SHROOM4: variants seen among roughly 807,000 people sequenced by gnomAD.
SHROOM4 encodes the protein shroom family member 4, also known as protein Shroom4.
A neutral mutation model predicts 80.3 loss-of-function variants in SHROOM4; 17 were observed. The observed-to-expected ratio is 0.21, with a 90% CI of 0.14 to 0.32. SHROOM4 has a LOEUF of 0.32. Among genes scored for constraint, SHROOM4 ranks in the 10% least tolerant of loss-of-function variants. The pLI is 1.00. For missense variants in SHROOM4, 993 were observed against 1,140.3 expected (o/e 0.87, Z 1.86); for synonymous variants, 400 against 437.5 (o/e 0.91, Z 1.07).
At chrX:50,622,723 T>A (rs1369712548) in intron 5 of SHROOM4, among the ~76,000 whole-genome samples, 1 of 112,145 alleles carries the variant, frequency 8.9e-6, no homozygotes, top group African/African-American at 3.2e-5. Context: ...GGAAACTCTA[T>A]CAGGATTTCT....
At chrX:50,766,386 C>A (rs971370653) in intron 1 of SHROOM4, among the ~76,000 whole-genome samples, 10 of 111,287 alleles carry the variant, frequency 9.0e-5, no homozygotes, top group African/African-American at 3.3e-4. Flanking sequence ...TCTTAAAGAG[C>A]ATGAACTTTG....
intron 1 of SHROOM4, among the ~76,000 whole-genome samples, chrX:50,697,694 T>G (rs1416731494): frequency 8.9e-6 from 1 of 111,874 alleles, no homozygotes; most frequent in Non-Finnish European, 1.9e-5. Context: ...CAAGCCAATA[T>G]TGGTAAATGG....
chrX:50,676,084 G>T (rs917473297), intron 2 of SHROOM4, among the ~76,000 whole-genome samples: 1 of 111,416 alleles, frequency 9.0e-6, no homozygotes, highest in African/African-American at 3.3e-5. Flanking sequence ...TGCTACAAAT[G>T]ATACTGTTTC....
chrX:50,698,852 GA>G (rs1321246023), intron 1 of SHROOM4, among the ~76,000 whole-genome samples: 2 of 111,858 alleles, frequency 1.8e-5, no homozygotes, highest in East Asian at 2.8e-4. Context: ...AAGGGGGATG[GA>G]GGGGCGAAAG....
chrX:50,595,500 G>T lies in SHROOM4; in HGVS notation c.*1195C>A. The T allele has an allele frequency of 5.3e-6, 1 of 187,591 alleles. No homozygotes were observed. Among genetic ancestry groups the T allele is most frequent in the Non-Finnish European group, 9.9e-6 (1 of 101,408 alleles). 15.5% of individuals were successfully genotyped at this position (187,591 alleles called of 1,213,427 possible). On this transcript the variant is annotated 3_prime_UTR_variant, in exon 9 of 9. Transcript: ENST00000376020. The stretch of plus-strand genomic sequence containing the variant: ...ATGACTGAACCTTTCTCCATTTCAG[G>T]AGATTTCTTTGGTTTCAAAAAGAAA...
chrX:50,709,729 T>C (rs1415679947), intron 1 of SHROOM4, among the ~76,000 whole-genome samples: 1 of 112,059 alleles, frequency 8.9e-6, no homozygotes, highest in Non-Finnish European at 1.9e-5. Flanking sequence ...ATGCCATATT[T>C]ATAGAGGGGA....
chrX:50,615,056 T>C (rs1462500681), intron 5 of SHROOM4, among the ~76,000 whole-genome samples: 1 of 110,793 alleles, frequency 9.0e-6, no homozygotes. Flanking sequence ...GTAATGTCTC[T>C]TGTAAAGAGT....
intron 2 of SHROOM4, among the ~76,000 whole-genome samples, chrX:50,655,581 A>G (rs1932277102): frequency 9.4e-6 from 1 of 106,838 alleles, no homozygotes; most frequent in African/African-American, 3.4e-5. Context: ...ATTATATAAC[A>G]TATTTTCTTT....
chrX:50,653,496 TC>T (rs1557259181), intron 2 of SHROOM4, among the ~76,000 whole-genome samples: 1 of 112,001 alleles, frequency 8.9e-6, no homozygotes, highest in East Asian at 2.8e-4. Flanking sequence ...AAATATACAA[TC>T]ATGTCATCAG....
Position 50,607,820 on chromosome X carries a change from T to C in SHROOM4, c.3322A>G (p.Asn1108Asp). 8.3e-7 allele frequency: 1 copy of C among 1,209,361 alleles called. No individual in the cohort carries two copies. Among genetic ancestry groups the C allele is most frequent in the Non-Finnish European group, 1.1e-6 (1 of 894,245 alleles). The change falls in exon 6 of 9, where the codon AAC becomes GAC. Residue 1108 changes from asparagine (N) to aspartate (D), a missense_variant. Physicochemically the swap from Asn to Asp is conservative, Grantham distance 23 (BLOSUM62 1). Coordinates refer to ENST00000376020, the MANE Select transcript of SHROOM4 (RefSeq NM_020717.5). ...CGAAAGAGCCTGTACTTCTCCCAGT[T>C]GGGAGGAGGAGGGCGAGGAGGAGGA... Reference protein sequence around the residue: ...AFPPPRPPPPNWEKYRLFRAA... With the variant: ...AFPPPRPPPPDWEKYRLFRAA...
chrX:50,788,950 C>T (rs1310882333), intron 1 of SHROOM4, among the ~76,000 whole-genome samples: 1 of 111,783 alleles, frequency 8.9e-6, no homozygotes, highest in Admixed American at 9.5e-5. Flanking sequence ...AAGGCCAATT[C>T]ACAGGATGAT....
chrX:50,689,664 T>A (rs1054917951), intron 2 of SHROOM4, among the ~76,000 whole-genome samples: 1 of 112,054 alleles, frequency 8.9e-6, no homozygotes, highest in Non-Finnish European at 1.9e-5. Flanking sequence ...ACCTTTAAAT[T>A]TGTTACTCTT....
chrX:50,671,577 A>T (rs1343579058), intron 2 of SHROOM4, among the ~76,000 whole-genome samples: 1 of 112,031 alleles, frequency 8.9e-6, no homozygotes, highest in Non-Finnish European at 1.9e-5. Context: ...TCATGAACCA[A>T]CCTCTGCTAG....
At chrX:50,774,906 A>T (rs1935473455) in intron 1 of SHROOM4, among the ~76,000 whole-genome samples, 2 of 111,960 alleles carry the variant, frequency 1.8e-5, no homozygotes, top group Non-Finnish European at 3.8e-5. Flanking sequence ...AAGGAAAAAA[A>T]CTTTAAAAAC....
intron 5 of SHROOM4, among the ~76,000 whole-genome samples, chrX:50,616,351 C>A (rs1459850097): frequency 9.0e-6 from 1 of 111,425 alleles, no homozygotes; most frequent in Admixed American, 9.5e-5. Context: ...AACCACCTAC[C>A]CTTTTTTTTT....
Position 50,739,083 on chromosome X carries a change from T to G in SHROOM4, c.118-43146A>C, listed in dbSNP as rs1467306663. On this transcript the variant is annotated intron_variant, in intron 1 of 8. Transcript: ENST00000376020. ...CTGACAAAAACAAGAAATGGGGAAATGATTCCCTATTTAATAAATGGTGCT... is the reference window on the plus strand; with the variant it reads ...CTGACAAAAACAAGAAATGGGGAAAGGATTCCCTATTTAATAAATGGTGCT... 8.1e-5 allele frequency among the ~76,000 whole-genome samples: 9 copies of G among 111,307 alleles called. No individual in the cohort carries two copies. The East Asian group carries it at 1.7e-3, about 21-fold the overall frequency.
At chrX:50,738,309 G>A (rs1470603351) in intron 1 of SHROOM4, among the ~76,000 whole-genome samples, 3 of 111,226 alleles carry the variant, frequency 2.7e-5, no homozygotes, top group African/African-American at 9.8e-5. Flanking sequence ...ATTCAACATA[G>A]TGTTGGAAGT....
At chrX:50,752,192 A>G (rs1357525865) in intron 1 of SHROOM4, among the ~76,000 whole-genome samples, 1 of 112,115 alleles carries the variant, frequency 8.9e-6, no homozygotes, top group Non-Finnish European at 1.9e-5. Flanking sequence ...CTGACTGCAC[A>G]TGGTTCTTCA....
intron 1 of SHROOM4, 101 bp from the exon 2 acceptor site, chrX:50,696,038 G>T: frequency 1.0e-6 from 1 of 976,673 alleles, no homozygotes; most frequent in South Asian, 2.0e-5. Context: ...TAGTACTGGG[G>T]AATGGCTCCA....
Sources: allele counts gnomAD v4.1 joint callset (sites outside exome capture counted in the v4.1 genomes callset), GRCh38; gene constraint gnomAD v4.1.1; transcripts MANE v1.5; gene names NCBI Gene and HGNC (gene_info 2026-07-23, HGNC 2026-07-21).